Variants in GLOD4 observed in about 807,000 individuals in gnomAD.
The protein encoded by GLOD4 is glyoxalase domain containing 4, also known as glyoxalase domain-containing protein 4.
GLOD4 carries 44 observed loss-of-function variants against 39.1 expected under a neutral mutation model. That is an observed-to-expected ratio of 1.13 (90% CI 0.88 to 1.45). GLOD4 has a LOEUF of 1.45. GLOD4 is among the 40% of genes most tolerant of loss of function. The pLI, the probability that GLOD4 is intolerant of heterozygous loss-of-function variation, is 0.00. For missense variants in GLOD4, 405 were observed against 366.4 expected (o/e 1.11, Z -0.86); for synonymous variants, 145 against 135.0 (o/e 1.07, Z -0.52).
At chr17:782,012 C>G in intron 1 of GLOD4, 154 bp downstream of exon 1, 2 of 607,800 alleles carry the variant, frequency 3.3e-6, no homozygotes, top group Admixed American at 5.9e-5. Context: ...CGGCAACTCG[C>G]CACGCTCCTG....
Position 759,856 on chromosome 17 carries a change from C to A in GLOD4, c.*317G>T. ...GAGGTAACCCTAACTATCCGCAATCCCAACCAAAGTCATGTTCATGCCGCT... is the reference window on the plus strand; with the variant it reads ...GAGGTAACCCTAACTATCCGCAATCACAACCAAAGTCATGTTCATGCCGCT... On this transcript the variant is annotated 3_prime_UTR_variant, in exon 9 of 9. Transcript: ENST00000301329. The A allele has an allele frequency of 3.4e-6, 1 of 297,546 alleles. No homozygotes were observed. The highest frequency in any genetic ancestry group is 6.5e-5 in the East Asian group (1 of 15,486). The allele number at this position is 297,546 out of a possible 1,614,324, so 18.4% of individuals were successfully genotyped here.
At chr17:775,639 T>C (rs936929107) in intron 4 of GLOD4, 136 bp downstream of exon 4, 2 of 689,602 alleles carry the variant, frequency 2.9e-6, no homozygotes, top group African/African-American at 3.6e-5. Flanking sequence ...GTCTCTCCGA[T>C]AACAGGTAAA....
At chr17:775,646 TA>T in intron 4 of GLOD4, 128 bp downstream of exon 4, 2 of 726,488 alleles carry the variant, frequency 2.8e-6, no homozygotes, top group Non-Finnish European at 2.4e-6. Context: ...CGATAACAGG[TA>T]AAAGCACTGG....
Position 760,297 on chromosome 17 carries a change from C to T in GLOD4, c.832-59G>A, listed in dbSNP as rs1905225879. On this transcript the variant is annotated intron_variant, in intron 8 of 8. Transcript: ENST00000301329. ...AAGCCTGAAAAACAAAAGACATAGC[C>T]CACTTTATATCTCACTGTACTGACC... The T allele has an allele frequency of 6.7e-6, 6 of 902,010 alleles. No homozygotes were observed. In the Admixed American group the frequency reaches 8.5e-5, roughly 13 times the overall value. 55.9% of individuals were successfully genotyped at this position (902,010 alleles called of 1,614,324 possible).
rs559491895 is a variant in GLOD4 at position 764,585 on chromosome 17, C to G, written c.832-4347G>C. On this transcript the variant is annotated intron_variant, in intron 8 of 8. Coordinates refer to ENST00000301329, the MANE Select transcript of GLOD4 (RefSeq NM_016080.4). ...TCTTCCTTATAATAGATTAAAAAATCTAGAAATAAACCAAATGTCCACCAT... is the reference window on the plus strand; with the variant it reads ...TCTTCCTTATAATAGATTAAAAAATGTAGAAATAAACCAAATGTCCACCAT... 4.6e-5 allele frequency: 7 copies of G among 151,940 alleles called. No individual in the cohort carries two copies. In the East Asian group the frequency reaches 1.4e-3, roughly 29 times the overall value. The allele number at this position is 151,940 out of a possible 1,614,324, so 9.4% of individuals were successfully genotyped here. A position where few individuals can be genotyped will look rare whatever the true frequency, so the allele number is the denominator to read the frequency against.
chr17:773,746 G>A (rs1039764458), intron 4 of GLOD4, among the ~76,000 whole-genome samples: 2 of 152,152 alleles, frequency 1.3e-5, no homozygotes, highest in Non-Finnish European at 2.9e-5. Flanking sequence ...GGATTAAGAC[G>A]CTGTTTCTCA....
chr17:771,700 T>C (rs1239143011), intron 4 of GLOD4, among the ~76,000 whole-genome samples: 1 of 152,160 alleles, frequency 6.6e-6, no homozygotes, highest in Non-Finnish European at 1.5e-5. Flanking sequence ...AGACCTTGCC[T>C]GTATGAAAAC....
rs34487169 is a variant in GLOD4 at position 779,319 on chromosome 17, TAAAAAAAA to T, written c.91-583_91-576del. ...ACAAGAGCAAAATTCCATCTCAAAT[TAAAAAAAA>T]AAAAAAAAAAAAAAAAAAAAAGATG... On this transcript the variant is annotated intron_variant, in intron 1 of 8. Coordinates refer to ENST00000301329, the MANE Select transcript of GLOD4 (RefSeq NM_016080.4). Among the ~76,000 whole-genome samples, 178 of 43,376 alleles carry T rather than the reference TAAAAAAAA, an allele frequency of 4.1e-3. 8 individuals are homozygous for T. In the East Asian group the frequency reaches 0.11, roughly 27 times the overall value. The allele number at this position is 43,376 out of a possible 152,430, so 28.5% of individuals were successfully genotyped here. A position where few individuals can be genotyped will look rare whatever the true frequency, so the allele number is the denominator to read the frequency against.
chr17:772,187 G>GAAAAAAAAAAAAAAAAA (rs58914913), intron 4 of GLOD4, among the ~76,000 whole-genome samples: 5 of 50,856 alleles, frequency 9.8e-5, no homozygotes, highest in African/African-American at 1.7e-4. Context: ...ACCCTATCTC[G>GAAAAAAAAAAAAAAAAA]AAAAAAAAAA....
chr17:768,321 T>C, intron 8 of GLOD4, among the ~76,000 whole-genome samples: 1 of 144,810 alleles, frequency 6.9e-6, no homozygotes, highest in Non-Finnish European at 1.5e-5. Context: ...AGAAGAAATC[T>C]GAAGAGGACG....
chr17:781,670 T>A (rs771315343), intron 1 of GLOD4, among the ~76,000 whole-genome samples: 5 of 152,092 alleles, frequency 3.3e-5, no homozygotes, highest in Non-Finnish European at 5.9e-5. Flanking sequence ...GACAGACCGC[T>A]TCTGGGTGCT....
upstream of GLOD4, among the ~76,000 whole-genome samples, chr17:784,859 C>T (rs1010958598): frequency 2.6e-5 from 4 of 152,116 alleles, no homozygotes; most frequent in Admixed American, 6.6e-5. Context: ...TCTGTGACTC[C>T]GAAGTGGAGG....
rs2144424028 is a variant in GLOD4, at chr17:775,755, A to C, written c.406+20T>G. The C allele has an allele frequency of 6.2e-7, 1 of 1,606,012 alleles. No homozygotes were observed. Among genetic ancestry groups the C allele is most frequent in the Non-Finnish European group, 8.5e-7 (1 of 1,173,036 alleles). ...AAGATGCCTTTAGACAGAGGCTTTTACTGGTTCTGGTATAATTACCTGACT... is the reference window on the plus strand; with the variant it reads ...AAGATGCCTTTAGACAGAGGCTTTTCCTGGTTCTGGTATAATTACCTGACT... On this transcript the variant is annotated intron_variant, in intron 4 of 8. Coordinates refer to ENST00000301329, the MANE Select transcript of GLOD4 (RefSeq NM_016080.4).
chr17:773,116 G>A (rs544325031), intron 4 of GLOD4, among the ~76,000 whole-genome samples: 1 of 152,310 alleles, frequency 6.6e-6, no homozygotes, highest in African/African-American at 2.4e-5. Context: ...AACTGTGTTA[G>A]TGTAGAGGGG....
chr17:780,118 T>C (rs1909634337), intron 1 of GLOD4, among the ~76,000 whole-genome samples: 2 of 151,558 alleles, frequency 1.3e-5, no homozygotes, highest in Admixed American at 1.3e-4. Context: ...GAGCCGAGAT[T>C]GCGCCACTGC....
chr17:775,800 C>G lies in GLOD4; in HGVS notation c.381G>C (p.Leu127Phe), dbSNP rs547985715. 3.1e-6 allele frequency: 5 copies of G among 1,613,970 alleles called. No homozygotes were observed. The South Asian group carries it at 5.5e-5, about 18-fold the overall frequency. The change falls in exon 4 of 9, where the codon TTG becomes TTC. Residue 127 changes from leucine to phenylalanine, a missense_variant. By Grantham distance (22) the Leu-to-Phe change is conservative. Transcript: ENST00000301329. The part of the protein sequence containing the change: ...TEAPGGYKFY[L>F]QNRSLPQSDP... ...CTGACTGAGGCAGACTGCGATTCTG[C>G]AAATAGAACTTATATCCTCCCGGGG...
chr17:761,139 A>G (rs1169897897), intron 8 of GLOD4, among the ~76,000 whole-genome samples: 1 of 152,226 alleles, frequency 6.6e-6, no homozygotes, highest in Non-Finnish European at 1.5e-5. Flanking sequence ...CAGATATGGA[A>G]ACAAGTATTT....
intron 8 of GLOD4, among the ~76,000 whole-genome samples, chr17:768,594 G>A (rs2467246): frequency 1.3e-3 from 69 of 53,702 alleles, no homozygotes; most frequent in Admixed American, 1.7e-3. Flanking sequence ...AGAAGAAGAA[G>A]TCTGGAGAGG....
chr17:784,272 C>G (rs1359750767), upstream of GLOD4, among the ~76,000 whole-genome samples: 1 of 152,188 alleles, frequency 6.6e-6, no homozygotes, highest in African/African-American at 2.4e-5. Context: ...GTCTCTGTAA[C>G]CCAGTGAGTC....
Sources: gnomAD v4.1 joint callset for allele counts (sites outside exome capture counted in the v4.1 genomes callset) on GRCh38, gnomAD v4.1.1 for gene constraint, MANE v1.5 for transcripts, NCBI Gene and HGNC (gene_info 2026-07-23, HGNC 2026-07-21) for gene names.